Variants in DVL2 observed in about 807,000 individuals in gnomAD.
DVL2 encodes the protein dishevelled segment polarity protein 2.
Under a neutral mutation model 69.8 loss-of-function variants are expected in DVL2, and 38 were observed. The observed-to-expected ratio is 0.54, with a 90% CI of 0.42 to 0.71. The LOEUF is 0.71. Among genes scored for constraint, DVL2 ranks in the 30% least tolerant of loss-of-function variants. DVL2 has a pLI of 0.00. For missense variants in DVL2, 931 were observed against 1,008.1 expected (o/e 0.92, Z 1.04); for synonymous variants, 428 against 392.4 (o/e 1.09, Z -1.07).
rs1314812332 is a variant in DVL2, at chr17:7,230,681, C to G, written c.264+47G>C. 1.9e-6 allele frequency: 3 copies of G among 1,560,588 alleles called. No homozygotes were observed. The African/African-American group carries it at 4.1e-5, about 21-fold the overall frequency. Reference sequence around the variant, plus strand: ...AGAAACAGACTGAGGCTTGAGGGAGCTTGGCAATGCTGAGGGGGCCTGGTC... The same window carrying G: ...AGAAACAGACTGAGGCTTGAGGGAGGTTGGCAATGCTGAGGGGGCCTGGTC... On this transcript the variant is annotated intron_variant, in intron 2 of 14. Coordinates refer to ENST00000005340, the MANE Select transcript of DVL2 (RefSeq NM_004422.3).
At position 7,229,547 on chromosome 17, in the gene DVL2, CA is replaced by C; in HGVS notation, c.747+40del. 6.2e-7 allele frequency: 1 copy of C among 1,600,604 alleles called. No individual in the cohort carries two copies. The highest frequency in any genetic ancestry group is 8.5e-7 in the Non-Finnish European group (1 of 1,172,576). Reference sequence around the variant, plus strand: ...ACCGCCCAAACCAAAGCCCATGCCCCACCTTCTCCCAGCACCAGCCTTCCTG... The same window carrying C: ...ACCGCCCAAACCAAAGCCCATGCCCCCCTTCTCCCAGCACCAGCCTTCCTG... On this transcript the variant is annotated intron_variant, in intron 6 of 14. Transcript: ENST00000005340. This position sits in a 1 kb window ranked among gnomAD's most constrained non-coding sequence, Gnocchi z 4.4.
chr17:7,226,691 C>A, intron 13 of DVL2, 52 bp from the exon 14 acceptor site: 1 of 1,347,864 alleles, frequency 7.4e-7, no homozygotes, highest in South Asian at 1.5e-5. Context: ...AGGCTAGGGC[C>A]CCAAGACACC....
At position 7,225,398 on chromosome 17, in the gene DVL2, G is replaced by A. The variant is rs1045252250; in HGVS notation, c.*467C>T. ...TATACAAGTGACTAAAATAAATAGAGTAACAAAGGCAGCTACATGGCCCAA... is the reference window on the plus strand; with the variant it reads ...TATACAAGTGACTAAAATAAATAGAATAACAAAGGCAGCTACATGGCCCAA... On this transcript the variant is annotated 3_prime_UTR_variant, in exon 15 of 15. Transcript: ENST00000005340. The A allele has an allele frequency of 6.2e-6, 3 of 485,732 alleles. No homozygotes were observed. The highest frequency in any genetic ancestry group is 1.1e-5 in the Non-Finnish European group (3 of 267,354). The allele number at this position is 485,732 out of a possible 1,614,324, so 30.1% of individuals were successfully genotyped here.
At chr17:7,226,928 C>G (rs1430313435) in intron 13 of DVL2, 162 bp downstream of exon 13, 1 of 731,988 alleles carries the variant, frequency 1.4e-6, no homozygotes, top group Non-Finnish European at 2.2e-6. Flanking sequence ...CATGGGTGGA[C>G]GTCAGCCCCC....
In DVL2 at chr17:7,229,989, C is replaced by A. The variant is rs1320502406; in HGVS notation, c.521-46G>T. 1.2e-6 allele frequency: 2 copies of A among 1,610,340 alleles called. No individual in the cohort carries two copies. Among genetic ancestry groups the A allele is most frequent in the South Asian group, 1.1e-5 (1 of 91,042 alleles). On this transcript the variant is annotated intron_variant, in intron 4 of 14. Transcript: ENST00000005340. The surrounding 1 kb of genome is among the most constrained non-coding windows in gnomAD (Gnocchi z 4.4). Reference sequence around the variant, plus strand: ...CAAGAACCAAGCTTCCCCCTGCTCACCCCACCAAGGCTGGGGTCTGGCCCA... The same window carrying A: ...CAAGAACCAAGCTTCCCCCTGCTCAACCCACCAAGGCTGGGGTCTGGCCCA...
intron 1 of DVL2, among the ~76,000 whole-genome samples, chr17:7,231,537 A>C (rs2071543682): frequency 6.7e-6 from 1 of 149,498 alleles, no homozygotes; most frequent in Non-Finnish European, 1.5e-5. Context: ...TCTCTAATTC[A>C]TTTCTAGAAG....
rs2071601589 is a variant in DVL2, at chr17:7,234,358, G to T, written c.-96C>A. The T allele has an allele frequency of 2.2e-6, 3 of 1,384,836 alleles. No homozygotes were observed. The highest frequency in any genetic ancestry group is 2.3e-5 in the East Asian group (1 of 43,464). 85.8% of individuals were successfully genotyped at this position (1,384,836 alleles called of 1,614,324 possible). A position where few individuals can be genotyped will look rare whatever the true frequency, so the allele number is the denominator to read the frequency against. On this transcript the variant is annotated 5_prime_UTR_variant, in exon 1 of 15. Coordinates refer to ENST00000005340, the MANE Select transcript of DVL2 (RefSeq NM_004422.3). ...CACCCGCAAACCGACGCGCGAGCGC[G>T]GACAGGACTGACCCAGTACGGGAGA...
chr17:7,233,907 C>T, intron 1 of DVL2, 162 bp downstream of exon 1: 1 of 751,620 alleles, frequency 1.3e-6, no homozygotes, highest in Non-Finnish European at 2.2e-6. Context: ...CCAAGCATAA[C>T]CTTGTCCATC....
intron 1 of DVL2, among the ~76,000 whole-genome samples, chr17:7,232,305 C>T (rs934227004): frequency 6.6e-6 from 1 of 152,196 alleles, no homozygotes; most frequent in Non-Finnish European, 1.5e-5. Context: ...ACCCGTTAGC[C>T]TAATATGGTC....
intron 1 of DVL2, chr17:7,233,859 T>C (rs551159758): frequency 2.4e-4 from 150 of 629,014 alleles, no homozygotes; most frequent in Non-Finnish European, 3.7e-4. Context: ...TCTAATCTGG[T>C]TTAGGATATC....
Position 7,229,580 on chromosome 17 carries a change from C to G in DVL2, c.747+8G>C. 6.4e-7 allele frequency: 1 copy of G among 1,574,722 alleles called. No homozygotes were observed. The highest frequency in any genetic ancestry group is 1.7e-4 in the Middle Eastern group (1 of 5,842). ...CCCAGCACCAGCCTTCCTGTAGGAA[C>G]CCCTCACCCTCTCCAGGCGGGGTGG... On this transcript the variant is annotated splice_region_variant and intron_variant, in intron 6 of 14. Transcript: ENST00000005340. This position sits in a 1 kb window ranked among gnomAD's most constrained non-coding sequence, Gnocchi z 4.4.
At chr17:7,228,588 T>C (rs2071493823) in intron 9 of DVL2, 2 of 215,598 alleles carry the variant, frequency 9.3e-6, no homozygotes, top group Admixed American at 1.1e-4. Context: ...TTAGCACTTT[T>C]TTTTTTTTTT....
In DVL2 at chr17:7,228,157, A is replaced by G. The variant is rs188458420; in HGVS notation, c.1035-113T>C. ...CACAAAGAGGGGGAGAAGCAAGCAC[A>G]TCGCGGCTGGGCTAGAGAAGGTGAG... On this transcript the variant is annotated intron_variant, in intron 9 of 14. Coordinates refer to ENST00000005340, the MANE Select transcript of DVL2 (RefSeq NM_004422.3). 537 of 865,200 alleles carry G rather than the reference A, an allele frequency of 6.2e-4. 4 individuals carry two copies. In the African/African-American group the frequency reaches 8.3e-3, roughly 13 times the overall value. 53.6% of individuals were successfully genotyped at this position (865,200 alleles called of 1,614,324 possible).
chr17:7,234,001 T>C (rs2071592695), intron 1 of DVL2, 68 bp downstream of exon 1: 3 of 1,536,734 alleles, frequency 2.0e-6, no homozygotes, highest in South Asian at 1.1e-5. Flanking sequence ...AGTAGACGTG[T>C]GCCCCTCCAT....
At position 7,227,981 on chromosome 17, in the gene DVL2, G is replaced by C; in HGVS notation, c.1098C>G (p.Pro366=). The change falls in exon 10 of 15, where the codon CCC becomes CCG. Residue 366 remains proline (P), a synonymous_variant. Coordinates refer to ENST00000005340, the MANE Select transcript of DVL2 (RefSeq NM_004422.3). ...DPSPQAYFTL[P]RNEPIQPIDP... The stretch of plus-strand genomic sequence containing the variant: ...CCCTCCCTGAGTGTCACTCACTTCG[G>C]GGGAGAGTGAAATAGGCCTGAGGAG... The C allele has an allele frequency of 6.4e-7, 1 of 1,573,934 alleles. No homozygotes were observed. The highest frequency in any genetic ancestry group is 1.8e-5 in the Admixed American group (1 of 55,558).
In DVL2 at chr17:7,230,251, C is replaced by T. The variant is rs771275461; in HGVS notation, c.410+34G>A. On this transcript the variant is annotated intron_variant, in intron 3 of 14. Coordinates refer to ENST00000005340, the MANE Select transcript of DVL2 (RefSeq NM_004422.3). Reference sequence around the variant, plus strand: ...AAAGGCCTGGGTTCCCTCCTCACCTCCCTCCCCTGCAGTCAAGAATCTGAA... The same window carrying T: ...AAAGGCCTGGGTTCCCTCCTCACCTTCCTCCCCTGCAGTCAAGAATCTGAA... 3.7e-6 allele frequency: 6 copies of T among 1,613,454 alleles called. No individual in the cohort carries two copies. In the East Asian group the frequency reaches 6.7e-5, roughly 18 times the overall value.
rs371112172 is a variant in DVL2 at position 7,226,426 on chromosome 17, C to G, written c.1757G>C (p.Ser586Thr). The G allele has an allele frequency of 3.3e-6, 5 of 1,532,790 alleles. No individual in the cohort carries two copies. The highest frequency in any genetic ancestry group is 4.4e-6 in the Non-Finnish European group (5 of 1,140,836). The allele number at this position is 1,532,790 out of a possible 1,614,324, so 94.9% of individuals were successfully genotyped here. A position where few individuals can be genotyped will look rare whatever the true frequency, so the allele number is the denominator to read the frequency against. ...YGGGSASSQHSEGSRSSGSTR... is the reference protein window; with the variant it reads ...YGGGSASSQHTEGSRSSGSTR... ...GGTATGTGGGGATGACTTACCCTCA[C>G]TATGCTGGCTGCTGGCACTGCCCCC... is the stretch of plus-strand genomic sequence containing the variant. Residue 586 changes from serine (S) to threonine (T), a missense_variant, in exon 14 of 15, where the codon AGT (serine) becomes ACT (threonine). Transcript: ENST00000005340.
intron 12 of DVL2, 41 bp downstream of exon 12, chr17:7,227,363 T>C: frequency 1.2e-6 from 2 of 1,606,770 alleles, no homozygotes; most frequent in Non-Finnish European, 1.7e-6. Flanking sequence ...GGTCACCACC[T>C]CCTCCCCTTC....
Position 7,225,997 on chromosome 17 carries a change from A to G in DVL2, c.2079T>C (p.Pro693=), listed in dbSNP as rs780465165. Reference sequence around the variant, plus strand: ...GGGCCCCCGGAGGCTGCACTGCTGGAGGGACTGGAGGTGGAGGTGGGGGCA... The same window carrying G: ...GGGCCCCCGGAGGCTGCACTGCTGGGGGGACTGGAGGTGGAGGTGGGGGCA... ...VMMPPPPPPV[P]PAVQPPGAPP... The change falls in exon 15 of 15, where the codon CCT becomes CCC. Residue 693 remains proline, a synonymous_variant. Transcript: ENST00000005340. The G allele has an allele frequency of 6.2e-7, 1 of 1,613,300 alleles. No individual in the cohort carries two copies. The highest frequency in any genetic ancestry group is 8.5e-7 in the Non-Finnish European group (1 of 1,179,802).
Sources: gnomAD v4.1 joint callset for allele counts (sites outside exome capture counted in the v4.1 genomes callset) on GRCh38, gnomAD v4.1.1 for gene constraint, Gnocchi (gnomAD v3.1) non-coding constraint, MANE v1.5 for transcripts, NCBI Gene and HGNC (gene_info 2026-07-23, HGNC 2026-07-21) for gene names.